Variants in ADGRB3 observed in about 807,000 individuals in gnomAD.
The protein encoded by ADGRB3 is adhesion G protein-coupled receptor B3.
In ADGRB3, 37 loss-of-function variants were observed where a neutral mutation model predicts 193.4. The ratio of observed to expected loss-of-function variants is 0.19; its 90% CI spans 0.15 to 0.25. The LOEUF (loss-of-function observed/expected upper bound fraction) is 0.25. Among genes scored for constraint, ADGRB3 ranks in the 10% least tolerant of loss-of-function variants. The pLI is 1.00. For synonymous variants in ADGRB3, 690 were observed against 644.2 expected, an observed-to-expected ratio of 1.07 and a Z score of -1.08; for missense variants, 1,637 against 1,852.9, an observed-to-expected ratio of 0.88 and a Z score of 2.14.
chr6:69,115,981 G>T (rs903490596), intron 17 of ADGRB3, among the ~76,000 whole-genome samples: 4 of 152,222 alleles, frequency 2.6e-5, no homozygotes, highest in African/African-American at 9.6e-5. Context: ...ATGGAGGCTG[G>T]TAAGTCTGAA....
chr6:69,002,060 T>G (rs932743610), intron 11 of ADGRB3, among the ~76,000 whole-genome samples: 1 of 152,188 alleles, frequency 6.6e-6, no homozygotes, highest in African/African-American at 2.4e-5. Flanking sequence ...TTTAAGAAAT[T>G]TGTTTCTCAA....
At chr6:69,295,731 C>T (rs1582612516) in intron 20 of ADGRB3, among the ~76,000 whole-genome samples, 2 of 152,240 alleles carry the variant, frequency 1.3e-5, no homozygotes, top group East Asian at 3.9e-4. Flanking sequence ...TAAAGATGTG[C>T]AGTAGTCTAC....
At chr6:68,852,453 A>G (rs1768423731) in intron 3 of ADGRB3, among the ~76,000 whole-genome samples, 1 of 152,006 alleles carries the variant, frequency 6.6e-6, no homozygotes, top group African/African-American at 2.4e-5. Flanking sequence ...TTAGTACAAA[A>G]CTGTATTATT....
chr6:68,756,680 C>T (rs1285052700), intron 3 of ADGRB3, among the ~76,000 whole-genome samples: 2 of 152,108 alleles, frequency 1.3e-5, no homozygotes, highest in African/African-American at 4.8e-5. Flanking sequence ...TTTTGTTTAT[C>T]ATACAGCCTC....
chr6:69,274,164 C>T (rs1767240731), intron 20 of ADGRB3, among the ~76,000 whole-genome samples: 1 of 152,152 alleles, frequency 6.6e-6, no homozygotes, highest in Non-Finnish European at 1.5e-5. Context: ...TTCTCAGTTC[C>T]AAGTTACACT....
chr6:69,351,336 G>A lies in ADGRB3; in HGVS notation c.3460-2897G>A, dbSNP rs561114722. On this transcript the variant is annotated intron_variant, in intron 26 of 31. Transcript: ENST00000370598. The stretch of plus-strand genomic sequence containing the variant: ...TCTCGAACTCCTGACCTCATGTTCC[G>A]CCCGCCTTGCCTCCCAAAGTGCTGG... 3.3e-3 allele frequency among the ~76,000 whole-genome samples: 492 copies of A among 150,862 alleles called. 2 individuals carry two copies. The highest frequency in any genetic ancestry group is 6.8e-3 in the Middle Eastern group (2 of 292).
intron 24 of ADGRB3, among the ~76,000 whole-genome samples, chr6:69,336,658 T>A (rs1337390447): frequency 6.6e-6 from 1 of 152,072 alleles, no homozygotes; most frequent in South Asian, 2.1e-4. Flanking sequence ...CCTACCCTGG[T>A]GCCCTGGTGG....
chr6:68,723,406 G>A (rs543423025), intron 3 of ADGRB3, among the ~76,000 whole-genome samples: 6 of 151,672 alleles, frequency 4.0e-5, no homozygotes, highest in Non-Finnish European at 8.8e-5. Context: ...TATGACTTCT[G>A]TCTTACCTGG....
At chr6:68,972,494 T>C (rs1247862034) in intron 8 of ADGRB3, among the ~76,000 whole-genome samples, 1 of 152,130 alleles carries the variant, frequency 6.6e-6, no homozygotes, top group East Asian at 1.9e-4. Flanking sequence ...CAGTTTCTCC[T>C]CTGGATTCAA....
chr6:69,111,154 T>G (rs1021404255), intron 17 of ADGRB3, among the ~76,000 whole-genome samples: 3 of 152,224 alleles, frequency 2.0e-5, no homozygotes, highest in African/African-American at 4.8e-5. Context: ...GAAATTGATA[T>G]ACGTGAAATA....
At chr6:68,944,078 A>G in intron 6 of ADGRB3, 84 bp downstream of exon 6, 3 of 1,399,750 alleles carry the variant, frequency 2.1e-6, no homozygotes, top group Non-Finnish European at 2.9e-6. Context: ...TTAAGAGTAC[A>G]ACCTTCATTC....
chr6:68,853,517 G>GA (rs1178469379), intron 3 of ADGRB3, among the ~76,000 whole-genome samples: 2 of 151,976 alleles, frequency 1.3e-5, no homozygotes, highest in Non-Finnish European at 2.9e-5. Context: ...ACACAGAGAA[G>GA]AAAACATGTA....
At chr6:68,926,350 G>A (rs2150244403) in intron 3 of ADGRB3, among the ~76,000 whole-genome samples, 1 of 152,218 alleles carries the variant, frequency 6.6e-6, no homozygotes, top group African/African-American at 2.4e-5. Flanking sequence ...GGCAGAGGTT[G>A]TTTATGTTTA....
chr6:68,959,639 T>A lies in ADGRB3; in HGVS notation c.1525+2830T>A, dbSNP rs113308297. Among the ~76,000 whole-genome samples, 1,210 of 152,232 alleles carry A rather than the reference T, an allele frequency of 7.9e-3. 10 individuals are homozygous for A. The highest frequency in any genetic ancestry group is 0.025 in the African/African-American group (1,048 of 41,564). ...CTACTGAAAATGAAAAATAAAACTA[T>A]TTTCCCCTCAAGATTAGGATATTTC... is the stretch of plus-strand genomic sequence containing the variant. On this transcript the variant is annotated intron_variant, in intron 8 of 31. Coordinates refer to ENST00000370598, the MANE Select transcript of ADGRB3 (RefSeq NM_001704.3).
intron 3 of ADGRB3, among the ~76,000 whole-genome samples, chr6:68,659,841 A>G (rs1043613057): frequency 9.9e-5 from 15 of 151,068 alleles, no homozygotes; most frequent in Non-Finnish European, 1.9e-4. Context: ...CACAGCAGTA[A>G]CCATCTTTTA....
chr6:68,770,368 A>G (rs550683913), intron 3 of ADGRB3, among the ~76,000 whole-genome samples: 1 of 152,164 alleles, frequency 6.6e-6, no homozygotes, highest in Non-Finnish European at 1.5e-5. Context: ...TCTGCATCTC[A>G]TTAGCATCTG....
intron 20 of ADGRB3, among the ~76,000 whole-genome samples, chr6:69,256,516 G>T (rs996383027): frequency 1.3e-5 from 2 of 151,850 alleles, no homozygotes; most frequent in Non-Finnish European, 2.9e-5. Flanking sequence ...TCTGTTATTG[G>T]TGTATAAGAA....
intron 3 of ADGRB3, among the ~76,000 whole-genome samples, chr6:68,885,119 C>T (rs191288839): frequency 2.6e-4 from 39 of 152,092 alleles, no homozygotes; most frequent in Non-Finnish European, 5.4e-4. Flanking sequence ...AATGATTGGT[C>T]AGAGGTCCCC....
chr6:68,705,351 T>G (rs2127311978), intron 3 of ADGRB3, among the ~76,000 whole-genome samples: 1 of 152,324 alleles, frequency 6.6e-6, no homozygotes, highest in South Asian at 2.1e-4. Flanking sequence ...GCTCAATAAA[T>G]TGGAATACTT....
Sources: gnomAD v4.1 joint callset for allele counts (sites outside exome capture counted in the v4.1 genomes callset) on GRCh38, gnomAD v4.1.1 for gene constraint, MANE v1.5 for transcripts, NCBI Gene and HGNC (gene_info 2026-07-23, HGNC 2026-07-21) for gene names.